CLUAP1: variants seen among roughly 807,000 people sequenced by gnomAD.
CLUAP1 encodes the protein intraflagellar transport 38.
CLUAP1 carries 50 observed loss-of-function variants against 55.0 expected under a neutral mutation model. The observed-to-expected ratio is 0.91, with a 90% CI of 0.72 to 1.15. The LOEUF is 1.15. Among genes scored for constraint, CLUAP1 ranks in the 50% most tolerant of loss-of-function variants. CLUAP1 has a pLI of 0.00. For synonymous variants in CLUAP1, 195 were observed against 175.4 expected (o/e 1.11, Z -0.88); for missense variants, 530 against 507.6 (o/e 1.04, Z -0.42).
chr16:3,506,234 G>A (rs1212875033), intron 2 of CLUAP1, 97 bp from the exon 3 acceptor site: 1 of 968,964 alleles, frequency 1.0e-6, no homozygotes, highest in Non-Finnish European at 1.7e-6. Flanking sequence ...GGAGAGCGTT[G>A]TGTTCCAGAC....
chr16:3,510,460 C>G (rs938744606), intron 4 of CLUAP1, among the ~76,000 whole-genome samples: 1 of 152,158 alleles, frequency 6.6e-6, no homozygotes, highest in East Asian at 1.9e-4. Flanking sequence ...TAACCAGGAG[C>G]GACACTCGTC....
At position 3,522,115 on chromosome 16, in the gene CLUAP1, A is replaced by G. The variant is rs574889208; in HGVS notation, c.714-1043A>G. 5.3e-5 allele frequency among the ~76,000 whole-genome samples: 8 copies of G among 152,138 alleles called. No homozygotes were observed. In the South Asian group the frequency reaches 1.7e-3, roughly 32 times the overall value. On this transcript the variant is annotated intron_variant, in intron 7 of 11. Transcript: ENST00000576634. Reference sequence around the variant, plus strand: ...CGTAACAACCTGTGGTCCCCTTTTTAGAGGATTGCTTTAAATTTATAATAT... The same window carrying G: ...CGTAACAACCTGTGGTCCCCTTTTTGGAGGATTGCTTTAAATTTATAATAT...
At chr16:3,499,872 T>TA (rs979648059), upstream of CLUAP1, among the ~76,000 whole-genome samples, 3 of 152,194 alleles carry the variant, frequency 2.0e-5, no homozygotes, top group African/African-American at 7.2e-5. Flanking sequence ...AATGCGAACT[T>TA]AGAGACAGGC....
rs1283373608 is a variant in CLUAP1 at position 3,538,453 on chromosome 16, C to CATCTTCT, written c.*2182_*2183insATCTTCT. On this transcript the variant is annotated 3_prime_UTR_variant, in exon 12 of 12. Transcript: ENST00000576634. ...CCTCAGACACCGTGGCTCTAAGATGCGGAAGAGTCACTGCATCTTCTTGAA... is the reference window on the plus strand; with the variant it reads ...CCTCAGACACCGTGGCTCTAAGATGCATCTTCTGGAAGAGTCACTGCATCTTCTTGAA... 2 of 152,170 alleles carry CATCTTCT rather than the reference C, an allele frequency of 1.3e-5. No homozygotes were observed. Among genetic ancestry groups the CATCTTCT allele is most frequent in the South Asian group, 2.1e-4 (1 of 4,826 alleles). The allele number at this position is 152,170 out of a possible 1,614,324, so 9.4% of individuals were successfully genotyped here. A position where few individuals can be genotyped will look rare whatever the true frequency, so the allele number is the denominator to read the frequency against.
At chr16:3,518,024 G>A (rs1208108655) in intron 6 of CLUAP1, among the ~76,000 whole-genome samples, 1 of 152,116 alleles carries the variant, frequency 6.6e-6, no homozygotes, top group African/African-American at 2.4e-5. Context: ...TAGTGTGTTA[G>A]TGCTGGCTTC....
At chr16:3,533,371 A>G (rs2038167854) in intron 11 of CLUAP1, 1 of 562,238 alleles carries the variant, frequency 1.8e-6, no homozygotes, top group Non-Finnish European at 3.2e-6. Context: ...AGGCCGGGCC[A>G]TCCTCAGGCC....
intron 9 of CLUAP1, among the ~76,000 whole-genome samples, chr16:3,529,650 TTATTATATATTATATATTATTATA>T (rs2038047341): frequency 7.6e-5 from 1 of 13,220 alleles, no homozygotes; most frequent in Non-Finnish European, 1.0e-4. Flanking sequence ...ATATTATATA[TTATTATATATTATATATTATTATA>T]TATTATATAT....
intron 7 of CLUAP1, among the ~76,000 whole-genome samples, chr16:3,522,522 G>T (rs2037859198): frequency 1.3e-5 from 2 of 152,080 alleles, no homozygotes; most frequent in African/African-American, 4.8e-5. Flanking sequence ...GATTTGGAGA[G>T]ATGTGTCTGG....
chr16:3,501,167 G>A, intron 1 of CLUAP1, 78 bp downstream of exon 1: 1 of 1,431,862 alleles, frequency 7.0e-7, no homozygotes, highest in Non-Finnish European at 9.5e-7. Context: ...CCCCTGTGTA[G>A]GCGATCCCTG....
upstream of CLUAP1, among the ~76,000 whole-genome samples, chr16:3,496,933 C>T (rs1355538285): frequency 6.7e-6 from 1 of 148,588 alleles, no homozygotes; most frequent in African/African-American, 2.5e-5. Flanking sequence ...TGCAGTGGCG[C>T]GATCTCGGTT....
chr16:3,517,400 G>GCCTCCTA (rs1203256466), intron 6 of CLUAP1, among the ~76,000 whole-genome samples: 3 of 152,036 alleles, frequency 2.0e-5, no homozygotes, highest in Admixed American at 2.0e-4. Context: ...TCTGCCTCCT[G>GCCTCCTA]GGTTCGAGCA....
intron 9 of CLUAP1, among the ~76,000 whole-genome samples, chr16:3,529,649 ATTATTATATATTATATATTATTAT>A (rs2038047000): frequency 2.7e-4 from 6 of 22,420 alleles, no homozygotes; most frequent in Non-Finnish European, 3.6e-4. Flanking sequence ...TATATTATAT[ATTATTATATATTATATATTATTAT>A]ATATTATATA....
intron 8 of CLUAP1, among the ~76,000 whole-genome samples, chr16:3,523,633 A>G (rs533041722): frequency 1.2e-4 from 19 of 152,334 alleles, no homozygotes; most frequent in Admixed American, 2.0e-4. Flanking sequence ...CTTGAAATTC[A>G]TAATAATTTT....
intron 11 of CLUAP1, 186 bp downstream of exon 11, chr16:3,533,027 T>A (rs1338794255): frequency 7.0e-7 from 1 of 1,433,506 alleles, no homozygotes. Context: ...ATGGCTCATC[T>A]CTTTTCAAGT....
the CLUAP1 span, among the ~76,000 whole-genome samples, chr16:3,495,871 C>T: frequency 9.2e-5 from 14 of 152,014 alleles, no homozygotes; most frequent in African/African-American, 1.9e-4. Context: ...TGTGGGAGGC[C>T]GAGGCAGGCT....
chr16:3,502,368 C>T lies in CLUAP1; in HGVS notation c.22+1279C>T, dbSNP rs2037420801. 2.0e-5 allele frequency among the ~76,000 whole-genome samples: 3 copies of T among 151,114 alleles called. No individual in the cohort carries two copies. In the South Asian group the frequency reaches 6.3e-4, roughly 32 times the overall value. Reference sequence around the variant, plus strand: ...CTGAGGCAGGAGAATTGCTTGATTCCGGGAGGCAGAGGTTGCAGTGAGCCA... The same window carrying T: ...CTGAGGCAGGAGAATTGCTTGATTCTGGGAGGCAGAGGTTGCAGTGAGCCA... On this transcript the variant is annotated intron_variant, in intron 1 of 11. Transcript: ENST00000576634.
At chr16:3,534,722 T>G (rs986573689) in intron 11 of CLUAP1, 1 of 152,284 alleles carries the variant, frequency 6.6e-6, no homozygotes, top group African/African-American at 2.4e-5. Flanking sequence ...GTGCCTGGGC[T>G]TGGTCTAATC....
At chr16:3,510,883 C>T (rs1328961263) in intron 4 of CLUAP1, among the ~76,000 whole-genome samples, 3 of 152,158 alleles carry the variant, frequency 2.0e-5, no homozygotes, top group Non-Finnish European at 4.4e-5. Context: ...AGATGGTGCA[C>T]AGGTAGCTGG....
chr16:3,530,393 A>T (rs1005706556), intron 9 of CLUAP1, 175 bp from the exon 10 acceptor site: 3 of 587,832 alleles, frequency 5.1e-6, no homozygotes, highest in Non-Finnish European at 9.1e-6. Flanking sequence ...ATTTTATTTT[A>T]AAATTGATTA....
Sources: gnomAD v4.1 joint callset for allele counts (sites outside exome capture counted in the v4.1 genomes callset) on GRCh38, gnomAD v4.1.1 for gene constraint, MANE v1.5 for transcripts, NCBI Gene and HGNC (gene_info 2026-07-23, HGNC 2026-07-21) for gene names.